The following PIK3CB variants were observed in gnomAD, a reference collection of about 807,000 sequenced individuals.
The protein encoded by PIK3CB is phosphatidylinositol 4,5-bisphosphate 3-kinase catalytic subunit beta isoform.
Under a neutral mutation model 136.8 loss-of-function variants are expected in PIK3CB, and 39 were observed. That is an observed-to-expected ratio of 0.29 (90% CI 0.22 to 0.37). PIK3CB has a LOEUF of 0.37. Ranked by LOEUF, PIK3CB falls within the 10% of genes least tolerant of loss-of-function variation. The pLI, the probability that PIK3CB is intolerant of heterozygous loss-of-function variation, is 1.00. For missense variants in PIK3CB, 868 were observed against 1,275.4 expected, an observed-to-expected ratio of 0.68 and a Z score of 4.87; for synonymous variants, 428 against 436.6, an observed-to-expected ratio of 0.98 and a Z score of 0.25.
At chr3:138,725,406 T>C (rs2044816297) in intron 8 of PIK3CB, among the ~76,000 whole-genome samples, 1 of 152,212 alleles carries the variant, frequency 6.6e-6, no homozygotes, top group East Asian at 1.9e-4. Context: ...TTCCTGTGAT[T>C]ATTTCCTTAA....
At chr3:138,787,818 A>G (rs912265493) in intron 2 of PIK3CB, among the ~76,000 whole-genome samples, 2 of 152,016 alleles carry the variant, frequency 1.3e-5, no homozygotes, top group African/African-American at 2.4e-5. Flanking sequence ...GCCAAGTAAC[A>G]TGGACACGGT....
In PIK3CB at chr3:138,655,245, G is replaced by T; in HGVS notation, c.*144C>A. 1.4e-6 allele frequency: 1 copy of T among 735,746 alleles called. No individual in the cohort carries two copies. The highest frequency in any genetic ancestry group is 2.6e-5 in the East Asian group (1 of 38,168). 45.6% of individuals were successfully genotyped at this position (735,746 alleles called of 1,614,324 possible). The stretch of plus-strand genomic sequence containing the variant: ...GGGATTGTTCAGATTAGGTTCTGTG[G>T]GATGCCTTGTTCTTAATTTAACTCT... On this transcript the variant is annotated 3_prime_UTR_variant, in exon 24 of 24. Coordinates refer to ENST00000674063, the MANE Select transcript of PIK3CB (RefSeq NM_006219.3).
chr3:138,682,226 CATTAA>C (rs1359687956), intron 18 of PIK3CB, among the ~76,000 whole-genome samples, 181 bp from the exon 19 acceptor site: 4 of 152,176 alleles, frequency 2.6e-5, no homozygotes, highest in Non-Finnish European at 4.4e-5. Context: ...TTATTTCAGA[CATTAA>C]ATTAAAAGAT....
chr3:138,719,019 A>AGTCCAT (rs2044670753), intron 8 of PIK3CB, among the ~76,000 whole-genome samples: 1 of 152,284 alleles, frequency 6.6e-6, no homozygotes, highest in East Asian at 1.9e-4. Flanking sequence ...TCTTTCTTTA[A>AGTCCAT]GTCCATGTCT....
At chr3:138,718,313 C>T (rs867974731) in intron 8 of PIK3CB, among the ~76,000 whole-genome samples, 9 of 152,072 alleles carry the variant, frequency 5.9e-5, no homozygotes, top group East Asian at 1.9e-4. Flanking sequence ...GCTTGTTGGC[C>T]GCATGTATGT....
intron 4 of PIK3CB, among the ~76,000 whole-genome samples, chr3:138,755,198 G>T (rs898561904): frequency 1.3e-5 from 2 of 152,200 alleles, no homozygotes; most frequent in Non-Finnish European, 2.9e-5. Flanking sequence ...TTGGCATAGA[G>T]AGTTGTGTAT....
intron 2 of PIK3CB, among the ~76,000 whole-genome samples, chr3:138,768,961 G>A (rs2045767596): frequency 6.6e-6 from 1 of 152,172 alleles, no homozygotes. Flanking sequence ...TTGGGCAGTT[G>A]CACTGGCATG....
chr3:138,663,863 T>G lies in PIK3CB; in HGVS notation c.2796+43A>C, dbSNP rs751173883. On this transcript the variant is annotated intron_variant, in intron 21 of 23. Transcript: ENST00000674063. ...AAGAGATTATGCTATACATAAGAAA[T>G]AGCATTACTAAGGCCCTTGGCAGAT... 3.8e-6 allele frequency: 6 copies of G among 1,589,660 alleles called. No individual in the cohort carries two copies. In the African/African-American group the frequency reaches 6.8e-5, roughly 18 times the overall value.
intron 1 of PIK3CB, among the ~76,000 whole-genome samples, chr3:138,820,576 C>T (rs973788360): frequency 2.6e-5 from 4 of 152,174 alleles, no homozygotes; most frequent in Non-Finnish European, 5.9e-5. Flanking sequence ...TCACTGCAAC[C>T]ACTGCCTCCG....
chr3:138,795,557 G>T (rs2046100443), intron 2 of PIK3CB, among the ~76,000 whole-genome samples: 1 of 152,072 alleles, frequency 6.6e-6, no homozygotes, highest in Admixed American at 6.6e-5. Context: ...CTTGAAAATG[G>T]GAGGCAGAGG....
rs182371218 is a variant in PIK3CB at position 138,695,275 on chromosome 3, A to G, written c.1771-368T>C. Among the ~76,000 whole-genome samples the G allele has an allele frequency of 4.0e-3, 607 of 152,244 alleles. 3 individuals are homozygous for G. Among genetic ancestry groups the G allele is most frequent in the Non-Finnish European group, 6.7e-3 (454 of 68,010 alleles). ...TATCACCTAAGTACCACTGACATCA[A>G]CGTCATGGAAGGTATATGATATGTA... On this transcript the variant is annotated intron_variant, in intron 13 of 23. Coordinates refer to ENST00000674063, the MANE Select transcript of PIK3CB (RefSeq NM_006219.3).
chr3:138,751,826 C>T (rs929596491), intron 4 of PIK3CB, among the ~76,000 whole-genome samples: 15 of 151,882 alleles, frequency 9.9e-5, no homozygotes, highest in African/African-American at 3.4e-4. Flanking sequence ...TAAAAATTAG[C>T]TGGGTGTAGT....
intron 1 of PIK3CB, among the ~76,000 whole-genome samples, chr3:138,802,364 A>T (rs1204760626): frequency 6.6e-6 from 1 of 150,694 alleles, no homozygotes; most frequent in Non-Finnish European, 1.5e-5. Flanking sequence ...TGTGTGACAG[A>T]GACTCCATCT....
chr3:138,657,304 A>G (rs1399451302), intron 22 of PIK3CB: 1 of 163,752 alleles, frequency 6.1e-6, no homozygotes, highest in Admixed American at 6.5e-5. Context: ...ACATGTAGGT[A>G]GCCAGTAATA....
intron 4 of PIK3CB, among the ~76,000 whole-genome samples, chr3:138,752,883 T>C (rs2045499395): frequency 6.6e-6 from 1 of 152,186 alleles, no homozygotes; most frequent in South Asian, 2.1e-4. Context: ...GCATATGTAA[T>C]ATTTCAATCT....
At chr3:138,736,220 T>C (rs992409944) in intron 6 of PIK3CB, among the ~76,000 whole-genome samples, 1 of 152,144 alleles carries the variant, frequency 6.6e-6, no homozygotes, top group Admixed American at 6.5e-5. Context: ...GGACTAGAGT[T>C]CAACAGCTTA....
intron 16 of PIK3CB, among the ~76,000 whole-genome samples, chr3:138,688,377 T>G (rs1271209795): frequency 6.6e-6 from 1 of 151,788 alleles, no homozygotes; most frequent in Non-Finnish European, 1.5e-5. Flanking sequence ...GGCGCATGCC[T>G]GTAGTCCCAG....
chr3:138,729,948 C>G (rs1220043676), intron 8 of PIK3CB, among the ~76,000 whole-genome samples: 3 of 152,030 alleles, frequency 2.0e-5, no homozygotes, highest in African/African-American at 4.8e-5. Flanking sequence ...CCAGTGCATA[C>G]AGGAAAGAAA....
intron 6 of PIK3CB, among the ~76,000 whole-genome samples, chr3:138,736,163 T>A (rs1466885721): frequency 6.6e-6 from 1 of 152,190 alleles, no homozygotes; most frequent in Non-Finnish European, 1.5e-5. Flanking sequence ...GAAAAGTCAG[T>A]ACTTCTATGT....
Sources: allele counts gnomAD v4.1 joint callset (sites outside exome capture counted in the v4.1 genomes callset), GRCh38; gene constraint gnomAD v4.1.1; transcripts MANE v1.5; gene names NCBI Gene and HGNC (gene_info 2026-07-23, HGNC 2026-07-21).